PDE6D: variants seen among roughly 807,000 people sequenced by gnomAD.
PDE6D encodes the protein phosphodiesterase 6D.
Under a neutral mutation model 21.9 loss-of-function variants are expected in PDE6D, and 10 were observed. The observed-to-expected ratio is 0.46, with a 90% CI of 0.28 to 0.78. The LOEUF is 0.78. Among genes scored for constraint, PDE6D ranks in the 30% least tolerant of loss-of-function variants. The pLI is 0.12. For synonymous variants in PDE6D, 59 were observed against 63.5 expected (o/e 0.93, Z 0.34); for missense variants, 139 against 184.8 (o/e 0.75, Z 1.44).
At chr2:231,762,466 T>C (rs1423418216) in intron 1 of PDE6D, among the ~76,000 whole-genome samples, 1 of 149,858 alleles carries the variant, frequency 6.7e-6, no homozygotes, top group East Asian at 2.0e-4. Context: ...TGCCTCAGCC[T>C]CCCGAGTAGC....
At chr2:231,779,916 G>A (rs1486525737) in intron 1 of PDE6D, among the ~76,000 whole-genome samples, 1 of 152,180 alleles carries the variant, frequency 6.6e-6, no homozygotes, top group African/African-American at 2.4e-5. Context: ...AAACGCAACA[G>A]AATACCAAGA....
At chr2:231,754,565 T>A (rs1574626176) in intron 1 of PDE6D, among the ~76,000 whole-genome samples, 1 of 146,152 alleles carries the variant, frequency 6.8e-6, no homozygotes, top group East Asian at 2.0e-4. Flanking sequence ...AGAGACAGGG[T>A]TTCACAATGT....
intron 4 of PDE6D, among the ~76,000 whole-genome samples, chr2:231,734,276 A>G (rs1466484272): frequency 6.6e-6 from 1 of 152,106 alleles, no homozygotes; most frequent in Non-Finnish European, 1.5e-5. Context: ...ACTTATAATG[A>G]ATCAACTTAT....
chr2:231,750,395 C>T (rs2048828617), intron 1 of PDE6D, among the ~76,000 whole-genome samples: 1 of 151,100 alleles, frequency 6.6e-6, no homozygotes, highest in Non-Finnish European at 1.5e-5. Context: ...TAGAGGGGGA[C>T]AATATCTTTA....
At chr2:231,766,643 A>T (rs751129205) in intron 1 of PDE6D, among the ~76,000 whole-genome samples, 2 of 152,172 alleles carry the variant, frequency 1.3e-5, no homozygotes. Flanking sequence ...CCCAGTTTTT[A>T]AAAAATGCTA....
At chr2:231,767,499 C>T (rs746272973) in intron 1 of PDE6D, among the ~76,000 whole-genome samples, 4 of 151,780 alleles carry the variant, frequency 2.6e-5, no homozygotes, top group Non-Finnish European at 5.9e-5. Context: ...GTGTTTTTAG[C>T]ACAGACAGGG....
chr2:231,774,203 G>A (rs2049037043), intron 1 of PDE6D, among the ~76,000 whole-genome samples: 1 of 152,048 alleles, frequency 6.6e-6, no homozygotes, highest in African/African-American at 2.4e-5. Context: ...AAAGAGCTGG[G>A]ATTACAGGCA....
chr2:231,746,140 TTTTAC>T (rs1180859730), intron 1 of PDE6D, among the ~76,000 whole-genome samples: 1 of 152,140 alleles, frequency 6.6e-6, no homozygotes, highest in Non-Finnish European at 1.5e-5. Context: ...TTAATTTTTA[TTTTAC>T]TTTATTTTAT....
chr2:231,743,235 C>A (rs995827290), intron 1 of PDE6D, among the ~76,000 whole-genome samples: 1 of 151,780 alleles, frequency 6.6e-6, no homozygotes, highest in African/African-American at 2.4e-5. Flanking sequence ...ACCATCTTGG[C>A]CAACATGGTG....
At chr2:231,756,879 CA>C (rs60172790) in intron 1 of PDE6D, among the ~76,000 whole-genome samples, 38,264 of 133,974 alleles carry the variant, frequency 0.29, 4,980 homozygotes, top group Non-Finnish European at 0.33. Context: ...TTTAAGTGCT[CA>C]AAAAAAAAAA....
In PDE6D at chr2:231,739,757, G is replaced by A. The variant is rs2048732777; in HGVS notation, c.51-569C>T. Among the ~76,000 whole-genome samples, 1 of 151,734 alleles carries A rather than the reference G, an allele frequency of 6.6e-6. No homozygotes were observed. Among genetic ancestry groups the A allele is most frequent in the Non-Finnish European group, 1.5e-5 (1 of 67,992 alleles). ...AGCAATTCTTGTGCCTCAGCCTCCT[G>A]AGTAGCTGGAATTATAGGAGCACGT... On this transcript the variant is annotated intron_variant, in intron 1 of 4. Coordinates refer to ENST00000287600, the MANE Select transcript of PDE6D (RefSeq NM_002601.4). The surrounding 1 kb of genome is among the most constrained non-coding windows in gnomAD (Gnocchi z 4.2).
intron 1 of PDE6D, chr2:231,779,316 A>G (rs2049082648): frequency 6.6e-6 from 1 of 152,184 alleles, no homozygotes; most frequent in South Asian, 2.1e-4. Flanking sequence ...TCTTTTCCGT[A>G]TTTGTCTCTT....
chr2:231,755,288 C>T (rs2048874232), intron 1 of PDE6D, among the ~76,000 whole-genome samples: 1 of 152,164 alleles, frequency 6.6e-6, no homozygotes, highest in Non-Finnish European at 1.5e-5. Flanking sequence ...TTTAAAATTA[C>T]AGTGCTTTTT....
chr2:231,758,430 T>G (rs745456549), intron 1 of PDE6D, among the ~76,000 whole-genome samples: 1 of 152,122 alleles, frequency 6.6e-6, no homozygotes, highest in South Asian at 2.1e-4. Flanking sequence ...AGCCACTGCA[T>G]CTGGCCACAT....
At chr2:231,741,351 T>C (rs757102806) in intron 1 of PDE6D, among the ~76,000 whole-genome samples, 16 of 152,134 alleles carry the variant, frequency 1.1e-4, no homozygotes, top group Non-Finnish European at 2.2e-4. Flanking sequence ...AAACAATTCC[T>C]GAAACAAACT....
At chr2:231,767,839 CTTT>C (rs59912776) in intron 1 of PDE6D, among the ~76,000 whole-genome samples, 2 of 137,912 alleles carry the variant, frequency 1.5e-5, no homozygotes. Context: ...TTTAACTATT[CTTT>C]TTTTTTTTTT....
chr2:231,737,526 C>A, intron 3 of PDE6D: 1 of 432,184 alleles, frequency 2.3e-6, no homozygotes, highest in Non-Finnish European at 4.1e-6. Flanking sequence ...CTAGGACCAG[C>A]GAGCAGGACA....
intron 1 of PDE6D, among the ~76,000 whole-genome samples, chr2:231,764,610 G>GCCT (rs2048955718): frequency 1.3e-5 from 2 of 152,288 alleles, no homozygotes; most frequent in South Asian, 4.1e-4. Context: ...ATTGCTATAT[G>GCCT]CCTCAGGTGA....
intron 1 of PDE6D, among the ~76,000 whole-genome samples, chr2:231,776,090 C>T (rs929571880): frequency 2.0e-5 from 3 of 151,978 alleles, no homozygotes; most frequent in Non-Finnish European, 4.4e-5. Flanking sequence ...GTAATCCCAG[C>T]ACTTTGGGAG....
Sources: gnomAD v4.1 joint callset for allele counts (sites outside exome capture counted in the v4.1 genomes callset) on GRCh38, gnomAD v4.1.1 for gene constraint, Gnocchi (gnomAD v3.1) non-coding constraint, MANE v1.5 for transcripts, NCBI Gene and HGNC (gene_info 2026-07-23, HGNC 2026-07-21) for gene names.